Variants in HPSE2 observed in about 807,000 individuals in gnomAD.
The protein encoded by HPSE2 is heparanase 2 (inactive).
HPSE2 carries 38 observed loss-of-function variants against 60.5 expected under a neutral mutation model. The observed-to-expected ratio is 0.63, with a 90% CI of 0.48 to 0.82. The LOEUF (loss-of-function observed/expected upper bound fraction) is 0.82, where lower values mean the gene tolerates loss of function less well. Among genes scored for constraint, HPSE2 ranks in the 40% least tolerant of loss-of-function variants. HPSE2 has a pLI of 0.00. For synonymous variants in HPSE2, 295 were observed against 293.2 expected, an observed-to-expected ratio of 1.01 and a Z score of -0.06; for missense variants, 713 against 740.4, an observed-to-expected ratio of 0.96 and a Z score of 0.43.
At chr10:99,154,599 G>A (rs1846446550) in intron 2 of HPSE2, among the ~76,000 whole-genome samples, 1 of 151,624 alleles carries the variant, frequency 6.6e-6, no homozygotes, top group Non-Finnish European at 1.5e-5. Context: ...GCTCCTGAAG[G>A]AAGCGCTAAA....
At chr10:98,956,360 T>C (rs1036359382) in intron 3 of HPSE2, among the ~76,000 whole-genome samples, 2 of 152,084 alleles carry the variant, frequency 1.3e-5, no homozygotes, top group African/African-American at 4.8e-5. Flanking sequence ...GCAGGAAACA[T>C]GATATGTTAA....
intron 2 of HPSE2, among the ~76,000 whole-genome samples, chr10:99,150,172 T>C (rs1846206789): frequency 2.0e-5 from 3 of 152,224 alleles, no homozygotes; most frequent in Admixed American, 6.5e-5. Context: ...TTATTGTCTA[T>C]AATTATTTCT....
At chr10:98,809,014 T>C (rs1303549032) in intron 3 of HPSE2, among the ~76,000 whole-genome samples, 3 of 152,168 alleles carry the variant, frequency 2.0e-5, no homozygotes, top group Non-Finnish European at 2.9e-5. Context: ...AGCTTTTCTC[T>C]TGCAATGTAT....
At chr10:99,259,875 G>A in the HPSE2 span, among the ~76,000 whole-genome samples, 13 of 152,196 alleles carry the variant, frequency 8.5e-5, no homozygotes, top group Non-Finnish European at 1.3e-4. Context: ...TGCATGTGCA[G>A]GATCTAGGCT....
intron 9 of HPSE2, among the ~76,000 whole-genome samples, chr10:98,611,085 C>T (rs1945743503): frequency 1.3e-5 from 2 of 150,812 alleles, no homozygotes; most frequent in Admixed American, 6.6e-5. Context: ...CCCATTTTCC[C>T]AGTGTTGGGG....
rs1333782699 is a variant in HPSE2 at position 98,939,771 on chromosome 10, A to G, written c.611-195715T>C. Among the ~76,000 whole-genome samples the G allele has an allele frequency of 1.4e-5, 2 of 144,058 alleles. 1 individual carries two copies. Among genetic ancestry groups the G allele is most frequent in the African/African-American group, 5.6e-5 (2 of 35,494 alleles). 94.5% of individuals were successfully genotyped at this position (144,058 alleles called of 152,430 possible). ...CAGAACTCTCCAACACAAATCAACA[A>G]AATAAACATTCTTTTCAGCACCACA... On this transcript the variant is annotated intron_variant, in intron 3 of 11. Coordinates refer to ENST00000370552, the MANE Select transcript of HPSE2 (RefSeq NM_021828.5).
At chr10:99,079,746 G>C (rs1015033173) in intron 3 of HPSE2, among the ~76,000 whole-genome samples, 24 of 152,000 alleles carry the variant, frequency 1.6e-4, no homozygotes, top group African/African-American at 5.8e-4. Context: ...TTGGGAGCTG[G>C]GTTTATTCAT....
intron 2 of HPSE2, among the ~76,000 whole-genome samples, chr10:99,217,711 C>T (rs1294417531): frequency 6.6e-6 from 1 of 152,052 alleles, no homozygotes. Flanking sequence ...GCCTCAGCCT[C>T]CTGAGTAGCT....
the HPSE2 span, among the ~76,000 whole-genome samples, chr10:99,308,241 A>G: frequency 6.6e-6 from 1 of 151,406 alleles, no homozygotes; most frequent in Non-Finnish European, 1.5e-5. Flanking sequence ...TACAAAAATT[A>G]CCCGGGTGTG....
intron 11 of HPSE2, among the ~76,000 whole-genome samples, chr10:98,472,521 T>A (rs1591227524): frequency 6.6e-6 from 1 of 152,296 alleles, no homozygotes; most frequent in Non-Finnish European, 1.5e-5. Context: ...TAAAAAATTA[T>A]CCTATTTTTT....
chr10:98,665,932 A>T (rs540183464), intron 6 of HPSE2, among the ~76,000 whole-genome samples: 1 of 152,312 alleles, frequency 6.6e-6, no homozygotes, highest in East Asian at 1.9e-4. Context: ...TCTCACATAT[A>T]AATACTAACC....
chr10:99,153,318 G>A (rs1333187782), intron 2 of HPSE2, among the ~76,000 whole-genome samples: 24 of 152,194 alleles, frequency 1.6e-4, no homozygotes, highest in African/African-American at 2.4e-5. Flanking sequence ...CAAACAAAAA[G>A]ACAGCAGTAA....
At chr10:98,528,440 G>A (rs774030439) in intron 9 of HPSE2, among the ~76,000 whole-genome samples, 24 of 152,094 alleles carry the variant, frequency 1.6e-4, no homozygotes, top group Admixed American at 6.6e-4. Context: ...GGGCATTTCC[G>A]GAGGCAGAGC....
the HPSE2 span, among the ~76,000 whole-genome samples, chr10:99,301,322 C>G: frequency 2.0e-5 from 3 of 152,118 alleles, no homozygotes; most frequent in East Asian, 5.8e-4. Context: ...GTTTCTAGCT[C>G]TACTAGGGAA....
intron 3 of HPSE2, among the ~76,000 whole-genome samples, chr10:99,097,427 T>C (rs1337849729): frequency 6.6e-6 from 1 of 152,200 alleles, no homozygotes; most frequent in Non-Finnish European, 1.5e-5. Context: ...TGTTTTAGGG[T>C]TTCTCTAATA....
intron 2 of HPSE2, among the ~76,000 whole-genome samples, chr10:99,165,848 G>A (rs1847058773): frequency 1.3e-5 from 2 of 151,998 alleles, no homozygotes; most frequent in African/African-American, 4.8e-5. Flanking sequence ...AGCCAGTCCT[G>A]TGGGTTTTGA....
intron 3 of HPSE2, among the ~76,000 whole-genome samples, chr10:98,848,794 C>T (rs951544336): frequency 2.6e-5 from 4 of 152,136 alleles, no homozygotes; most frequent in Non-Finnish European, 5.9e-5. Flanking sequence ...GAAAAAGTAC[C>T]ACATGCAGGG....
At chr10:98,675,370 C>T in intron 6 of HPSE2, among the ~76,000 whole-genome samples, 1 of 152,140 alleles carries the variant, frequency 6.6e-6, no homozygotes, top group Non-Finnish European at 1.5e-5. Flanking sequence ...ACCAGATAGT[C>T]TGACTCCAGA....
intron 3 of HPSE2, among the ~76,000 whole-genome samples, chr10:98,823,628 AAAAT>A (rs1051765730): frequency 2.6e-5 from 4 of 152,196 alleles, no homozygotes; most frequent in Non-Finnish European, 4.4e-5. Flanking sequence ...CCATCTCTAA[AAAAT>A]AAATAAATAG....
Sources: allele counts gnomAD v4.1 joint callset (sites outside exome capture counted in the v4.1 genomes callset), GRCh38; gene constraint gnomAD v4.1.1; transcripts MANE v1.5; gene names NCBI Gene and HGNC (gene_info 2026-07-23, HGNC 2026-07-21).